Variants in BCAR3 observed in about 807,000 individuals in gnomAD.
BCAR3 encodes BCAR3 adaptor protein, NSP family member.
In BCAR3, 37 loss-of-function variants were observed where a neutral mutation model predicts 80.1. The observed-to-expected ratio is 0.46, with a 90% confidence interval of 0.36 to 0.61. The LOEUF (loss-of-function observed/expected upper bound fraction) is 0.61, where lower values mean the gene tolerates loss of function less well. Ranked by LOEUF, BCAR3 falls within the 20% of genes least tolerant of loss-of-function variation. The pLI is 0.00. For synonymous variants in BCAR3, 389 were observed against 418.9 expected (o/e 0.93, Z 0.87); for missense variants, 978 against 1,068.2 (o/e 0.92, Z 1.18).
At chr1:93,649,270 G>C (rs1313380510) in intron 2 of BCAR3, among the ~76,000 whole-genome samples, 1 of 152,166 alleles carries the variant, frequency 6.6e-6, no homozygotes, top group African/African-American at 2.4e-5. Flanking sequence ...TGAGTGCTGG[G>C]TCTGCACAGA....
intron 3 of BCAR3, among the ~76,000 whole-genome samples, chr1:93,618,970 C>T (rs906777296): frequency 4.7e-4 from 69 of 146,996 alleles, no homozygotes; most frequent in African/African-American, 1.6e-3. Flanking sequence ...GACGGAATCT[C>T]GCTCTGTCGC....
In BCAR3 at chr1:93,674,707, T is replaced by C. The variant is rs1648382868; in HGVS notation, c.224A>G (p.His75Arg). The C allele has an allele frequency of 6.2e-7, 1 of 1,613,246 alleles. No individual in the cohort carries two copies. Among genetic ancestry groups the C allele is most frequent in the South Asian group, 1.1e-5 (1 of 90,974 alleles). The change falls in exon 2 of 12, where the codon CAC becomes CGC. Residue 75 changes from histidine (H) to arginine (R), a missense_variant. By Grantham distance (29) the His-to-Arg change is conservative. Transcript: ENST00000260502. ...DDFSHMGTLPHSKSPRQNSPV... is the reference protein window; with the variant it reads ...DDFSHMGTLPRSKSPRQNSPV... ...CGAGTTCTGCCGTGGGGATTTGGAG[T>C]GGGGGAGGGTGCCCATGTGACTGAA...
intron 9 of BCAR3, among the ~76,000 whole-genome samples, chr1:93,570,473 C>T (rs1426009696): frequency 1.3e-5 from 2 of 152,176 alleles, no homozygotes; most frequent in Non-Finnish European, 2.9e-5. Context: ...ATAAAGATGG[C>T]AGCCTGACTT....
chr1:93,631,461 C>G (rs1675615950), intron 3 of BCAR3, among the ~76,000 whole-genome samples: 3 of 152,196 alleles, frequency 2.0e-5, no homozygotes, highest in South Asian at 4.1e-4. Flanking sequence ...CAGAACCTTC[C>G]AGGCCAATGG....
chr1:93,584,286 A>C (rs1050026111), intron 5 of BCAR3, among the ~76,000 whole-genome samples, 165 bp from the exon 6 acceptor site: 1 of 152,220 alleles, frequency 6.6e-6, no homozygotes, highest in East Asian at 1.9e-4. Context: ...TGGAGAAACA[A>C]ATTACTGATG....
chr1:93,610,003 G>A lies in BCAR3; in HGVS notation c.358-17610C>T, dbSNP rs542843220. 2.4e-4 allele frequency among the ~76,000 whole-genome samples: 36 copies of A among 152,284 alleles called. 1 individual carries two copies. The South Asian group carries it at 7.3e-3, about 31-fold the overall frequency. ...AACACCAAATCAGTGATAACCGATC[G>A]TTTCCTTCAACCAGAGTTAAATGTC... On this transcript the variant is annotated intron_variant, in intron 3 of 11. Coordinates refer to ENST00000260502, the MANE Select transcript of BCAR3 (RefSeq NM_003567.4).
At chr1:93,637,894 C>T (rs17110198) in intron 3 of BCAR3, among the ~76,000 whole-genome samples, 4,631 of 152,228 alleles carry the variant, frequency 0.03, 80 homozygotes, top group Middle Eastern at 0.054. Flanking sequence ...AGGTTTCTAT[C>T]GTGGGGACAA....
At chr1:93,714,998 A>G (rs1009602479) in intron 2 of BCAR3, among the ~76,000 whole-genome samples, 6 of 152,296 alleles carry the variant, frequency 3.9e-5, no homozygotes, top group African/African-American at 1.4e-4. Flanking sequence ...ACCTTTCCTA[A>G]GGGTCAGTGA....
chr1:93,688,116 A>G (rs1649038569), intron 3 of BCAR3, among the ~76,000 whole-genome samples: 1 of 152,236 alleles, frequency 6.6e-6, no homozygotes, highest in Non-Finnish European at 1.5e-5. Flanking sequence ...TGTCCAGTCT[A>G]CTAGGCAGGG....
In BCAR3 at chr1:93,725,148, T is replaced by C. The variant is rs115988722; in HGVS notation, c.-62-19006A>G. On this transcript the variant is annotated intron_variant, in intron 2 of 13. Transcript: ENST00000370244. ...CTCTTCATTGTCTATGTCCCACTCA[T>C]GTGTAAGCTCACAGAGGCAGAGACC... Among the ~76,000 whole-genome samples the C allele has an allele frequency of 8.7e-3, 1,332 of 152,360 alleles. 19 individuals are homozygous for C. The highest frequency in any genetic ancestry group is 0.031 in the African/African-American group (1,288 of 41,578).
chr1:93,808,104 T>A (rs1653717978), intron 2 of BCAR3, among the ~76,000 whole-genome samples: 1 of 150,690 alleles, frequency 6.6e-6, no homozygotes, highest in Admixed American at 6.6e-5. Flanking sequence ...TCTCTGTACA[T>A]TCAGAAAGAG....
rs1650078684 is a variant in BCAR3, at chr1:93,713,091, C to G, written c.-62-6949G>C. Among the ~76,000 whole-genome samples, 3 of 152,280 alleles carry G rather than the reference C, an allele frequency of 2.0e-5. No individual in the cohort carries two copies. The South Asian group carries it at 6.2e-4, about 32-fold the overall frequency. ...TATGGTTGCCAGGAGACATATGTGG[C>G]TTTTGTGCATTTGATATGTGGCTAG... On this transcript the variant is annotated intron_variant, in intron 2 of 13. Coordinates refer to the BCAR3 transcript ENST00000370244.
intron 3 of BCAR3, among the ~76,000 whole-genome samples, chr1:93,631,670 C>T (rs1002675086): frequency 5.9e-5 from 9 of 152,164 alleles, no homozygotes; most frequent in South Asian, 2.1e-4. Context: ...CCCTACAGTT[C>T]GGGATCTCAG....
intron 3 of BCAR3, among the ~76,000 whole-genome samples, chr1:93,626,114 A>T (rs1675449247): frequency 6.6e-6 from 1 of 152,224 alleles, no homozygotes. Flanking sequence ...TGACTTGGTT[A>T]TGTTACATAG....
At chr1:93,601,890 A>T (rs570906582) in intron 3 of BCAR3, among the ~76,000 whole-genome samples, 1,573 of 152,306 alleles carry the variant, frequency 0.01, 25 homozygotes, top group African/African-American at 0.036. Flanking sequence ...AACACCCGGA[A>T]TGCTATCAGG....
intron 8 of BCAR3, among the ~76,000 whole-genome samples, chr1:93,573,616 TTATTA>T (rs1463728641): frequency 1.9e-4 from 26 of 140,322 alleles, no homozygotes; most frequent in Non-Finnish European, 2.3e-4. Flanking sequence ...ATTTTTATTA[TTATTA>T]TTATTATTAT....
Position 93,617,800 on chromosome 1 carries a change from C to G in BCAR3, c.357+24504G>C, listed in dbSNP as rs1256142181. The stretch of plus-strand genomic sequence containing the variant: ...TGATTAGCCTGGACCTTGCCCCACT[C>G]AGCACCAGCCTGGCGTCACGGTGAG... On this transcript the variant is annotated intron_variant, in intron 3 of 11. Transcript: ENST00000260502. 2.0e-4 allele frequency among the ~76,000 whole-genome samples: 30 copies of G among 152,194 alleles called. 1 individual carries two copies. Among genetic ancestry groups the G allele is most frequent in the Admixed American group, 2.0e-3 (30 of 15,284 alleles).
chr1:93,589,199 C>T lies in BCAR3; in HGVS notation c.707G>A (p.Gly236Asp), dbSNP rs769388241. Residue 236 changes from glycine to aspartate, a missense_variant, in exon 5 of 12, where the codon GGC (glycine) becomes GAC (aspartate). By Grantham distance (94) the Gly-to-Asp change is moderately conservative. Coordinates refer to ENST00000260502, the MANE Select transcript of BCAR3 (RefSeq NM_003567.4). ...CTGCTGGGAGATGGGCCGGCGGTTG[C>T]CCACGTAGCAGCGCACCAGGCCGGG... ...SIPGLVRCYV[G>D]NRRPISQQSG... 6.2e-7 allele frequency: 1 copy of T among 1,613,714 alleles called. No homozygotes were observed. Among genetic ancestry groups the T allele is most frequent in the South Asian group, 1.1e-5 (1 of 91,044 alleles).
chr1:93,759,120 C>T (rs541535025), intron 2 of BCAR3, among the ~76,000 whole-genome samples: 5 of 152,286 alleles, frequency 3.3e-5, no homozygotes, highest in South Asian at 4.1e-4. Flanking sequence ...CCACATCCTG[C>T]GGCACAGTTA....
Sources: gnomAD v4.1 joint callset for allele counts (sites outside exome capture counted in the v4.1 genomes callset) on GRCh38, gnomAD v4.1.1 for gene constraint, MANE v1.5 for transcripts, NCBI Gene and HGNC (gene_info 2026-07-23, HGNC 2026-07-21) for gene names.